MAP4K5: variants seen among roughly 807,000 people sequenced by gnomAD.
MAP4K5 encodes mitogen-activated protein kinase kinase kinase kinase 5.
Under a neutral mutation model 135.6 loss-of-function variants are expected in MAP4K5, and 82 were observed. The observed-to-expected ratio is 0.60, with a 90% CI of 0.51 to 0.73. The LOEUF (loss-of-function observed/expected upper bound fraction) is 0.73. Among genes scored for constraint, MAP4K5 ranks in the 30% least tolerant of loss-of-function variants. The probability of loss-of-function intolerance (pLI) is 0.00; values close to 1 mark genes in which losing one functional copy is unlikely to be tolerated. For missense variants in MAP4K5, 907 were observed against 1,010.9 expected (o/e 0.90, Z 1.39); for synonymous variants, 347 against 335.0 (o/e 1.04, Z -0.39).
At chr14:50,519,390 C>CA (rs2038100425) in intron 2 of MAP4K5, among the ~76,000 whole-genome samples, 1 of 152,124 alleles carries the variant, frequency 6.6e-6, no homozygotes, top group Non-Finnish European at 1.5e-5. Context: ...TACAGTGGCT[C>CA]ATGCCTGTAA....
intron 2 of MAP4K5, among the ~76,000 whole-genome samples, chr14:50,525,915 T>C (rs1255671953): frequency 6.6e-6 from 1 of 152,158 alleles, no homozygotes; most frequent in Non-Finnish European, 1.5e-5. Context: ...TTAGCTGGTG[T>C]TTCCTGCCAG....
intron 16 of MAP4K5, among the ~76,000 whole-genome samples, chr14:50,446,346 A>G (rs928781653): frequency 6.6e-6 from 1 of 152,186 alleles, no homozygotes; most frequent in Non-Finnish European, 1.5e-5. Context: ...GTCTTATTTT[A>G]CTTTTATGGT....
chr14:50,469,021 G>A (rs2036896714), intron 9 of MAP4K5, among the ~76,000 whole-genome samples: 1 of 152,092 alleles, frequency 6.6e-6, no homozygotes. Context: ...GAAAAATCTT[G>A]TTTTAGTTTG....
At chr14:50,437,765 A>G in intron 25 of MAP4K5, 129 bp downstream of exon 25, 2 of 695,414 alleles carry the variant, frequency 2.9e-6, no homozygotes, top group East Asian at 2.7e-5. Flanking sequence ...TTTTCCAGAT[A>G]TAATACACTT....
At chr14:50,434,328 G>T (rs752271264) in intron 28 of MAP4K5, 66 bp downstream of exon 28, 55 of 1,243,662 alleles carry the variant, frequency 4.4e-5, no homozygotes, top group Non-Finnish European at 6.2e-5. Context: ...TTCTTTTATA[G>T]GTGGTGTTTT....
intron 1 of MAP4K5, among the ~76,000 whole-genome samples, chr14:50,549,517 C>A (rs1432284205): frequency 2.6e-5 from 4 of 152,202 alleles, no homozygotes; most frequent in African/African-American, 9.6e-5. Flanking sequence ...CATACCTTAA[C>A]CTGTGTGGAC....
chr14:50,544,247 G>A (rs1231834281), intron 1 of MAP4K5, among the ~76,000 whole-genome samples: 1 of 152,326 alleles, frequency 6.6e-6, no homozygotes, highest in Non-Finnish European at 1.5e-5. Flanking sequence ...TAAGGGTTAT[G>A]GGAAAGTGGA....
chr14:50,447,363 G>C, intron 16 of MAP4K5, 51 bp downstream of exon 16: 1 of 1,137,024 alleles, frequency 8.8e-7, no homozygotes, highest in South Asian at 1.4e-5. Context: ...GCCCCATACT[G>C]TTCTTATGTA....
chr14:50,482,401 G>A lies in MAP4K5; in HGVS notation c.338C>T (p.Ser113Leu). The A allele has an allele frequency of 3.3e-6, 5 of 1,530,792 alleles. No individual in the cohort carries two copies. The highest frequency in any genetic ancestry group is 3.5e-6 in the Non-Finnish European group (4 of 1,139,438). The allele number at this position is 1,530,792 out of a possible 1,614,324, so 94.8% of individuals were successfully genotyped here. A position where few individuals can be genotyped will look rare whatever the true frequency, so the allele number is the denominator to read the frequency against. ...GCATACATAGGCTATTTGCAATTCT[G>A]ATAATGGTCCAGTAACTAGAAAGAA... ...QDIYHVTGPL[S>L]ELQIAYVCRE... is the part of the protein sequence containing the mutation. The change falls in exon 6 of 33, where the codon TCA becomes TTA. Residue 113 changes from serine (S) to leucine (L), a missense_variant. By Grantham distance (145) the Ser-to-Leu change is moderately radical. Transcript: ENST00000682126.
chr14:50,521,202 C>G (rs1352904563), intron 2 of MAP4K5, among the ~76,000 whole-genome samples: 1 of 152,156 alleles, frequency 6.6e-6, no homozygotes, highest in Non-Finnish European at 1.5e-5. Context: ...CAAGTGATAA[C>G]CAGGAAGAAG....
chr14:50,441,612 G>T (rs1012359970), intron 21 of MAP4K5, among the ~76,000 whole-genome samples: 1 of 152,020 alleles, frequency 6.6e-6, no homozygotes, highest in Non-Finnish European at 1.5e-5. Flanking sequence ...TGTGGTCACA[G>T]CTATTTGGGA....
intron 3 of MAP4K5, 46 bp from the exon 4 acceptor site, chr14:50,486,240 C>T (rs1042919697): frequency 7.5e-6 from 5 of 671,080 alleles, no homozygotes; most frequent in Non-Finnish European, 1.0e-5. Context: ...AAAATCTCTA[C>T]ATATGAAAAG....
chr14:50,486,542 T>C (rs1166522060), intron 3 of MAP4K5, among the ~76,000 whole-genome samples: 1 of 152,196 alleles, frequency 6.6e-6, no homozygotes, highest in African/African-American at 2.4e-5. Flanking sequence ...GATTATATAT[T>C]ATTTAAGTAT....
At position 50,525,449 on chromosome 14, in the gene MAP4K5, C is replaced by T. The variant is rs189052702; in HGVS notation, c.108+6493G>A. Among the ~76,000 whole-genome samples, 6 of 152,264 alleles carry T rather than the reference C, an allele frequency of 3.9e-5. No homozygotes were observed. In the East Asian group the frequency reaches 1.2e-3, roughly 29 times the overall value. ...GGGCCTAAATTTAGTCTTGCATAAACTCTCATCCGGATTATTCGGGAACTG... is the reference window on the plus strand; with the variant it reads ...GGGCCTAAATTTAGTCTTGCATAAATTCTCATCCGGATTATTCGGGAACTG... On this transcript the variant is annotated intron_variant, in intron 2 of 32. Transcript: ENST00000682126.
chr14:50,452,657 G>C (rs957566099), intron 14 of MAP4K5, among the ~76,000 whole-genome samples: 14 of 152,124 alleles, frequency 9.2e-5, no homozygotes, highest in Admixed American at 3.3e-4. Flanking sequence ...ATAGAATTTT[G>C]CCAGGTGCTG....
chr14:50,537,413 G>A (rs1388697599), upstream of MAP4K5, among the ~76,000 whole-genome samples: 2 of 152,206 alleles, frequency 1.3e-5, no homozygotes, highest in African/African-American at 2.4e-5. Flanking sequence ...CTGCTAGGGT[G>A]GTGCGAAAGG....
At position 50,446,117 on chromosome 14, in the gene MAP4K5, T is replaced by G; in HGVS notation, c.1147A>C (p.Thr383Pro). ...GGAGGTGGTATTGCACGTTTTGAGG[T>G]TGATCTAATACAAAGAAGAAATGCA... ...FVDGANTGKS[T>P]SKRAIPPPLP... Residue 383 changes from threonine to proline, a missense_variant, in exon 17 of 33, where the codon ACC becomes CCC. By Grantham distance (38) the Thr-to-Pro change is conservative. Transcript: ENST00000682126. The G allele has an allele frequency of 1.1e-5, 18 of 1,571,076 alleles. No homozygotes were observed. Among genetic ancestry groups the G allele is most frequent in the Non-Finnish European group, 1.5e-5 (17 of 1,161,132 alleles).
At chr14:50,509,380 T>A (rs900461730) in intron 2 of MAP4K5, among the ~76,000 whole-genome samples, 5 of 152,228 alleles carry the variant, frequency 3.3e-5, no homozygotes, top group African/African-American at 1.2e-4. Flanking sequence ...TAATTGTGTA[T>A]TATTTAACAG....
intron 3 of MAP4K5, among the ~76,000 whole-genome samples, chr14:50,504,127 A>C (rs2037761842): frequency 6.6e-6 from 1 of 152,030 alleles, no homozygotes. Flanking sequence ...TTGAAATGCA[A>C]AGTCATTTTA....
Sources: allele counts gnomAD v4.1 joint callset (sites outside exome capture counted in the v4.1 genomes callset), GRCh38; gene constraint gnomAD v4.1.1; transcripts MANE v1.5; gene names NCBI Gene and HGNC (gene_info 2026-07-23, HGNC 2026-07-21).